PRPF6: variants seen among roughly 807,000 people sequenced by gnomAD.
PRPF6 encodes pre-mRNA-processing factor 6.
PRPF6 carries 42 observed loss-of-function variants against 118.3 expected under a neutral mutation model. That is an observed-to-expected ratio of 0.35 (90% CI 0.28 to 0.46). The LOEUF (loss-of-function observed/expected upper bound fraction) is 0.46, where lower values mean the gene tolerates loss of function less well. Ranked by LOEUF, PRPF6 falls within the 20% of genes least tolerant of loss-of-function variation. PRPF6 has a pLI of 1.00. For missense variants in PRPF6, 662 were observed against 1,255.7 expected (o/e 0.53, Z 7.15); for synonymous variants, 481 against 485.1 (o/e 0.99, Z 0.11).
At chr20:64,005,719 G>T (rs1282399471) in intron 9 of PRPF6, among the ~76,000 whole-genome samples, 1 of 151,970 alleles carries the variant, frequency 6.6e-6, no homozygotes, top group Non-Finnish European at 1.5e-5. Flanking sequence ...GGGACCATAG[G>T]TACATACTAC....
chr20:64,015,787 T>C (rs1478526636), intron 11 of PRPF6, among the ~76,000 whole-genome samples: 2 of 152,238 alleles, frequency 1.3e-5, no homozygotes, highest in East Asian at 3.8e-4. Context: ...GTTGCTCATC[T>C]GATACGTGCA....
Position 64,010,504 on chromosome 20 carries a change from T to C in PRPF6, c.1305+186T>C, listed in dbSNP as rs574770459. On this transcript the variant is annotated intron_variant, in intron 10 of 20. Transcript: ENST00000266079. ...CATAGCCGCTAGGCAGGGTGGTCAG[T>C]GGCCTCAGCTAGCTGTGCTCTTAAT... Among the ~76,000 whole-genome samples the C allele has an allele frequency of 3.9e-5, 6 of 152,372 alleles. No homozygotes were observed. The East Asian group carries it at 1.2e-3, about 29-fold the overall frequency.
At chr20:64,002,273 G>A (rs1410706803) in intron 9 of PRPF6, among the ~76,000 whole-genome samples, 3 of 151,112 alleles carry the variant, frequency 2.0e-5, no homozygotes, top group Admixed American at 2.0e-4. Context: ...TGCCTGCCTC[G>A]GCCTCCCAAA....
chr20:63,982,062 T>G (rs774671513), intron 1 of PRPF6, among the ~76,000 whole-genome samples: 2 of 151,938 alleles, frequency 1.3e-5, no homozygotes, highest in African/African-American at 2.4e-5. Flanking sequence ...GAGTCCAGTG[T>G]GAGTGGAATG....
In PRPF6 at chr20:64,028,719, T is replaced by C. The variant is rs2059302490; in HGVS notation, c.2431+150T>C. On this transcript the variant is annotated intron_variant, in intron 18 of 20. Transcript: ENST00000266079. The surrounding 1 kb of genome is among the most constrained non-coding windows in gnomAD (Gnocchi z 6.5). The stretch of plus-strand genomic sequence containing the variant: ...GGGGGCTCAGGCTTCAGACGGACTT[T>C]ATTAAAATGTGTAGTTTGTGTGAAT... 2.5e-6 allele frequency: 2 copies of C among 791,872 alleles called. No individual in the cohort carries two copies. The highest frequency in any genetic ancestry group is 2.4e-5 in the Admixed American group (1 of 41,732). 49.1% of individuals were successfully genotyped at this position (791,872 alleles called of 1,614,324 possible).
rs2059294929 is a variant in PRPF6, at chr20:64,027,190, C to G, written c.2205+32C>G. On this transcript the variant is annotated intron_variant, in intron 16 of 20. Transcript: ENST00000266079. This position sits in a 1 kb window ranked among gnomAD's most constrained non-coding sequence, Gnocchi z 6.5. ...CTCTGCCTGCACCCTGGGGCTGCAG[C>G]TGACCCGGCATTCACAAAACTGAGC... The G allele has an allele frequency of 6.2e-7, 1 of 1,610,868 alleles. No individual in the cohort carries two copies.
intron 1 of PRPF6, 94 bp downstream of exon 1, chr20:63,981,410 A>C (rs2059066289): frequency 8.2e-7 from 1 of 1,222,210 alleles, no homozygotes; most frequent in African/African-American, 1.5e-5. Flanking sequence ...ATGGCCGCGC[A>C]GTCTGAAAGA....
intron 12 of PRPF6, among the ~76,000 whole-genome samples, chr20:64,021,934 CGT>C (rs1286625878): frequency 1.4e-5 from 2 of 141,468 alleles, no homozygotes; most frequent in Non-Finnish European, 1.5e-5. Flanking sequence ...CAGCCACAGC[CGT>C]GTGTGTGCGT....
intron 3 of PRPF6, among the ~76,000 whole-genome samples, chr20:63,985,348 C>CAAA (rs112094687): frequency 1.7e-3 from 234 of 135,670 alleles, no homozygotes; most frequent in African/African-American, 5.4e-3. Context: ...GACCCTGTCT[C>CAAA]AAAAAAAAAA....
chr20:64,032,984 C>A lies in PRPF6; in HGVS notation c.2817C>A (p.Asn939Lys). The change falls in exon 21 of 21, where the codon AAC (asparagine) becomes AAA (lysine). Residue 939 changes from asparagine to lysine, a missense_variant. Asn to Lys is a moderately conservative substitution (Grantham distance 94). Transcript: ENST00000266079. ...ILRLVAGRIK[N>K]TF ...GGCTGGTGGCCGGCCGCATCAAGAA[C>A]ACCTTCTGATTGAGCGGTTGCCATG... 1 of 1,613,326 alleles carries A rather than the reference C, an allele frequency of 6.2e-7. No homozygotes were observed. The highest frequency in any genetic ancestry group is 8.5e-7 in the Non-Finnish European group (1 of 1,180,012).
chr20:63,994,660 A>G (rs2059133599), intron 4 of PRPF6, among the ~76,000 whole-genome samples: 1 of 152,282 alleles, frequency 6.6e-6, no homozygotes, highest in South Asian at 2.1e-4. Flanking sequence ...GGTCCCAGCA[A>G]CTTGAGAAGC....
rs373741469 is a variant in PRPF6, at chr20:63,983,262, G to A, written c.240+47G>A. ...TGGCTCCTCCAGCCAGTCTCTGGGA[G>A]CAGCTGACCTAACCAGTGTGTGTTG... On this transcript the variant is annotated intron_variant, in intron 2 of 20. Transcript: ENST00000266079. The A allele has an allele frequency of 1.9e-5, 31 of 1,611,356 alleles. No individual in the cohort carries two copies. The East Asian group carries it at 6.5e-4, about 34-fold the overall frequency.
At chr20:64,017,941 G>A (rs2059246454) in intron 12 of PRPF6, among the ~76,000 whole-genome samples, 1 of 152,210 alleles carries the variant, frequency 6.6e-6, no homozygotes, top group Admixed American at 6.5e-5. Context: ...TGGGGCTGAC[G>A]CCTGTAATTC....
At chr20:63,983,652 C>G (rs868483785) in intron 2 of PRPF6, among the ~76,000 whole-genome samples, 1 of 111,112 alleles carries the variant, frequency 9.0e-6, no homozygotes, top group Non-Finnish European at 1.8e-5. Context: ...ATTGGCCAGT[C>G]TTTTTTTTTT....
Position 64,016,753 on chromosome 20 carries a change from G to A in PRPF6, c.1555G>A (p.Val519Met), listed in dbSNP as rs1220149274. 1 of 1,613,994 alleles carries A rather than the reference G, an allele frequency of 6.2e-7. No individual in the cohort carries two copies. The highest frequency in any genetic ancestry group is 1.7e-5 in the Admixed American group (1 of 59,980). The change falls in exon 12 of 21, where the codon GTG (valine) becomes ATG (methionine). Residue 519 changes from valine to methionine, a missense_variant. Around this residue, in one of 10 missense-constraint regions of PRPF6, gnomAD observed 189 missense variants for 323.5 expected, o/e 0.58. Coordinates refer to ENST00000266079, the MANE Select transcript of PRPF6 (RefSeq NM_012469.4). ...CGAGGAATGTGACAGGGCTGGGAGTGTGGCCACCTGCCAGGCCGTCATGCG... is the reference window on the plus strand; with the variant it reads ...CGAGGAATGTGACAGGGCTGGGAGTATGGCCACCTGCCAGGCCGTCATGCG... Reference protein sequence around the residue: ...DAEECDRAGSVATCQAVMRAV... With the variant: ...DAEECDRAGSMATCQAVMRAV...
Position 64,010,096 on chromosome 20 carries a change from A to T in PRPF6, c.1187-104A>T, listed in dbSNP as rs879788370. 1.3e-5 allele frequency: 13 copies of T among 979,450 alleles called. No homozygotes were observed. In the East Asian group the frequency reaches 2.4e-4, roughly 18 times the overall value. The allele number at this position is 979,450 out of a possible 1,614,324, so 60.7% of individuals were successfully genotyped here. The stretch of plus-strand genomic sequence containing the variant: ...GCAGGTGTGTGGTCCCTGACTGTCA[A>T]CCAGGGAAGTCCGTCTCATCCTGAC... On this transcript the variant is annotated intron_variant, in intron 9 of 20. Coordinates refer to ENST00000266079, the MANE Select transcript of PRPF6 (RefSeq NM_012469.4).
chr20:63,982,042 G>A (rs2059071564), intron 1 of PRPF6, among the ~76,000 whole-genome samples: 1 of 152,088 alleles, frequency 6.6e-6, no homozygotes, highest in South Asian at 2.1e-4. Context: ...GAAGCCCAGG[G>A]AACAGGAGGG....
Position 64,029,865 on chromosome 20 carries a change from G to T in PRPF6, c.2546+374G>T, listed in dbSNP as rs938243699. 6.6e-6 allele frequency among the ~76,000 whole-genome samples: 1 copy of T among 151,558 alleles called. No homozygotes were observed. Among genetic ancestry groups the T allele is most frequent in the Non-Finnish European group, 1.5e-5 (1 of 67,942 alleles). On this transcript the variant is annotated intron_variant, in intron 19 of 20. Coordinates refer to ENST00000266079, the MANE Select transcript of PRPF6 (RefSeq NM_012469.4). The surrounding 1 kb of genome is among the most constrained non-coding windows in gnomAD (Gnocchi z 4.8). ...GCCGGGTCAGAGACTCACTGGGGACGCATGTGATTCACACTGGTGCGCTGG... is the reference window on the plus strand; with the variant it reads ...GCCGGGTCAGAGACTCACTGGGGACTCATGTGATTCACACTGGTGCGCTGG...
chr20:63,999,820 TA>T, intron 8 of PRPF6, 61 bp downstream of exon 8: 1 of 1,581,596 alleles, frequency 6.3e-7, no homozygotes, highest in Non-Finnish European at 8.6e-7. Flanking sequence ...CCTACGGGAG[TA>T]AACTTGTTAG....
Sources: gnomAD v4.1 joint callset for allele counts (sites outside exome capture counted in the v4.1 genomes callset) on GRCh38, gnomAD v4.1.1 for gene constraint, gnomAD v4.1.1 regional missense constraint, Gnocchi (gnomAD v3.1) non-coding constraint, MANE v1.5 for transcripts, NCBI Gene and HGNC (gene_info 2026-07-23, HGNC 2026-07-21) for gene names.